Variants in IDNK observed in about 807,000 individuals in gnomAD.
IDNK encodes the protein gluconokinase.
Under a neutral mutation model 13.0 loss-of-function variants are expected in IDNK, and 9 were observed. That is an observed-to-expected ratio of 0.69 (90% CI 0.42 to 1.21). The LOEUF (loss-of-function observed/expected upper bound fraction) is 1.21. Ranked by LOEUF, IDNK falls within the 50% of genes most tolerant of loss-of-function variation. The pLI, the probability that IDNK is intolerant of heterozygous loss-of-function variation, is 0.00. For synonymous variants in IDNK, 92 were observed against 94.9 expected (o/e 0.97, Z 0.18); for missense variants, 210 against 237.8 (o/e 0.88, Z 0.77).
intron 3 of IDNK, among the ~76,000 whole-genome samples, chr9:83,630,295 A>C (rs1459722552): frequency 6.6e-6 from 1 of 152,242 alleles, no homozygotes; most frequent in African/African-American, 2.4e-5. Context: ...ATAGGGCAAT[A>C]GAACTATAAA....
chr9:83,636,351 T>C (rs1176742835), intron 3 of IDNK, among the ~76,000 whole-genome samples: 1 of 152,144 alleles, frequency 6.6e-6, no homozygotes. Context: ...CAATTTTCCA[T>C]CAAAAAATAC....
intron 3 of IDNK, among the ~76,000 whole-genome samples, chr9:83,630,020 G>A (rs1830968252): frequency 6.6e-6 from 1 of 152,236 alleles, no homozygotes; most frequent in Non-Finnish European, 1.5e-5. Flanking sequence ...CACGCACTAA[G>A]TGTGTCCAAA....
chr9:83,625,583 A>G (rs561480449), intron 1 of IDNK, among the ~76,000 whole-genome samples: 203 of 152,360 alleles, frequency 1.3e-3, no homozygotes, highest in Admixed American at 2.8e-3. Flanking sequence ...TAATAAAAAG[A>G]CTGGGACTTG....
chr9:83,625,887 C>T (rs1830835363), intron 1 of IDNK, among the ~76,000 whole-genome samples: 1 of 152,144 alleles, frequency 6.6e-6, no homozygotes, highest in Non-Finnish European at 1.5e-5. Context: ...CCTGGCATTT[C>T]GTAGATACTA....
chr9:83,637,024 TTTG>T (rs1374587279), intron 3 of IDNK, among the ~76,000 whole-genome samples: 4 of 152,230 alleles, frequency 2.6e-5, no homozygotes, highest in Admixed American at 6.5e-5. Flanking sequence ...AGATGTTTCA[TTTG>T]TTAAGTACAT....
chr9:83,627,352 G>A (rs1372766727), intron 1 of IDNK, among the ~76,000 whole-genome samples: 1 of 152,216 alleles, frequency 6.6e-6, no homozygotes, highest in African/African-American at 2.4e-5. Context: ...CTGAGGCCAT[G>A]TGTCAGTGAG....
At chr9:83,638,852 G>A (rs528124337) in intron 3 of IDNK, among the ~76,000 whole-genome samples, 1 of 152,124 alleles carries the variant, frequency 6.6e-6, no homozygotes, top group South Asian at 2.1e-4. Flanking sequence ...ACAGAAGGGT[G>A]GACTGTCAAC....
intron 3 of IDNK, among the ~76,000 whole-genome samples, chr9:83,639,808 A>G (rs1831255835): frequency 6.6e-6 from 1 of 152,214 alleles, no homozygotes; most frequent in Non-Finnish European, 1.5e-5. Context: ...TGTATAATTT[A>G]TAGTAAGGGC....
rs1205409449 is a variant in IDNK, at chr9:83,639,629, T to C, written c.169-1919T>C. Among the ~76,000 whole-genome samples the C allele has an allele frequency of 4.6e-5, 7 of 152,216 alleles. No individual in the cohort carries two copies. The East Asian group carries it at 1.2e-3, about 25-fold the overall frequency. Reference sequence around the variant, plus strand: ...ACCTGATGCCAGTAAATTTGAAGACTTAGACAAAACTGGATAATTTCAGTG... The same window carrying C: ...ACCTGATGCCAGTAAATTTGAAGACCTAGACAAAACTGGATAATTTCAGTG... On this transcript the variant is annotated intron_variant, in intron 3 of 4. Transcript: ENST00000376419.
In IDNK at chr9:83,643,436, G is replaced by C; in HGVS notation, c.220G>C (p.Ala74Pro). ...TTTTCTTTTTCTAAACAGAGATGTAGCCTCGGGACAGCGTGTGGTTCTAGC... is the reference window on the plus strand; with the variant it reads ...TTTTCTTTTTCTAAACAGAGATGTACCCTCGGGACAGCGTGTGGTTCTAGC... ...NLHDILLRDV[A>P]SGQRVVLACS... The change falls in exon 5 of 5, where the codon GCC becomes CCC. Residue 74 changes from alanine to proline, a missense_variant. Transcript: ENST00000376419. The C allele has an allele frequency of 6.3e-7, 1 of 1,596,178 alleles. No individual in the cohort carries two copies. Among genetic ancestry groups the C allele is most frequent in the Non-Finnish European group, 8.6e-7 (1 of 1,169,320 alleles).
Position 83,623,148 on chromosome 9 carries a change from A to G in IDNK, c.-24A>G. ...CGGGGCCGGCGGGGCCCGGAAGGCGACGGGAAGGAGCCGAGCTTGGGTTAT... is the reference window on the plus strand; with the variant it reads ...CGGGGCCGGCGGGGCCCGGAAGGCGGCGGGAAGGAGCCGAGCTTGGGTTAT... On this transcript the variant is annotated 5_prime_UTR_variant, in exon 1 of 5. Transcript: ENST00000376419. 1 of 1,409,754 alleles carries G rather than the reference A, an allele frequency of 7.1e-7. No homozygotes were observed. The highest frequency in any genetic ancestry group is 9.2e-7 in the Non-Finnish European group (1 of 1,087,660). 87.3% of individuals were successfully genotyped at this position (1,409,754 alleles called of 1,614,324 possible).
chr9:83,639,546 A>T (rs1831246890), intron 3 of IDNK, among the ~76,000 whole-genome samples: 1 of 152,224 alleles, frequency 6.6e-6, no homozygotes, highest in Non-Finnish European at 1.5e-5. Flanking sequence ...CTCTGGTGAG[A>T]CTCATCAAGA....
intron 1 of IDNK, among the ~76,000 whole-genome samples, chr9:83,625,494 G>A (rs1273337750): frequency 6.6e-6 from 1 of 152,228 alleles, no homozygotes; most frequent in Non-Finnish European, 1.5e-5. Flanking sequence ...AGATAAAGAA[G>A]CTGGCCAAGA....
chr9:83,632,557 C>CAAAAAAAAAAA (rs61214533), intron 3 of IDNK, among the ~76,000 whole-genome samples: 1 of 78,558 alleles, frequency 1.3e-5, no homozygotes, highest in African/African-American at 5.3e-5. Flanking sequence ...AGCTGATGAG[C>CAAAAAAAAAAA]AAAAAAAAAA....
At chr9:83,631,451 G>GAAAAACAAAAAAAAAAAA (rs1831011194) in intron 3 of IDNK, among the ~76,000 whole-genome samples, 1 of 56,946 alleles carries the variant, frequency 1.8e-5, no homozygotes, top group African/African-American at 7.2e-5. Flanking sequence ...TACAAAAACT[G>GAAAAACAAAAAAAAAAAA]AAAAAAAAAA....
At chr9:83,633,147 G>A (rs1482973489) in intron 3 of IDNK, among the ~76,000 whole-genome samples, 1 of 152,106 alleles carries the variant, frequency 6.6e-6, no homozygotes, top group Non-Finnish European at 1.5e-5. Flanking sequence ...AGACCATCCT[G>A]GCTAACACGG....
intron 3 of IDNK, among the ~76,000 whole-genome samples, chr9:83,640,943 GTTTT>G (rs896020995): frequency 5.9e-5 from 9 of 152,028 alleles, no homozygotes; most frequent in Non-Finnish European, 8.8e-5. Context: ...ATAATAGAAA[GTTTT>G]TTTTGTTTTG....
intron 1 of IDNK, chr9:83,623,515 G>T: frequency 2.6e-6 from 1 of 388,140 alleles, no homozygotes; most frequent in Non-Finnish European, 4.7e-6. Flanking sequence ...CGGCTGCGGG[G>T]CCGCGCAGGT....
Position 83,643,577 on chromosome 9 carries a change from G to A in IDNK, c.361G>A (p.Val121Met). 6.2e-7 allele frequency: 1 copy of A among 1,613,978 alleles called. No homozygotes were observed. The highest frequency in any genetic ancestry group is 1.6e-4 in the Middle Eastern group (1 of 6,062). The change falls in exon 5 of 5, where the codon GTG becomes ATG. Residue 121 changes from valine (V) to methionine (M), a missense_variant. Val to Met is a conservative substitution (Grantham distance 21). Transcript: ENST00000376419. Reference sequence around the variant, plus strand: ...AAAGCAGGCTGAGATGCAGCTCCTGGTGGTCCATCTGAGCGGGTCGTTTGA... The same window carrying A: ...AAAGCAGGCTGAGATGCAGCTCCTGATGGTCCATCTGAGCGGGTCGTTTGA... ...EAKQAEMQLL[V>M]VHLSGSFEVI...
Sources: allele counts gnomAD v4.1 joint callset (sites outside exome capture counted in the v4.1 genomes callset), GRCh38; gene constraint gnomAD v4.1.1; transcripts MANE v1.5; gene names NCBI Gene and HGNC (gene_info 2026-07-23, HGNC 2026-07-21).